The following C3orf70 variants were observed in gnomAD, a reference collection of about 807,000 sequenced individuals.
C3orf70 encodes UPF0524 protein C3orf70.
A neutral mutation model predicts 20.7 loss-of-function variants in C3orf70; 15 were observed. The ratio of observed to expected loss-of-function variants is 0.72; its 90% confidence interval spans 0.48 to 1.11. The LOEUF (loss-of-function observed/expected upper bound fraction) is 1.11, where lower values mean the gene tolerates loss of function less well. Among genes scored for constraint, C3orf70 ranks in the 50% most tolerant of loss-of-function variants. The pLI is 0.00. For missense variants in C3orf70, 332 were observed against 317.6 expected (o/e 1.05, Z -0.34); for synonymous variants, 161 against 125.7 (o/e 1.28, Z -1.88).
intron 1 of C3orf70, among the ~76,000 whole-genome samples, chr3:185,131,049 G>A (rs564185187): frequency 5.3e-5 from 8 of 152,242 alleles, no homozygotes; most frequent in South Asian, 2.1e-4. Context: ...GTTTTCCAAC[G>A]TGGTTACACC....
chr3:185,095,213 A>ATCAC (rs1329762468), intron 1 of C3orf70, among the ~76,000 whole-genome samples: 1 of 152,212 alleles, frequency 6.6e-6, no homozygotes, highest in Non-Finnish European at 1.5e-5. Context: ...CTCTGCAAAA[A>ATCAC]TCACTAGTGC....
At chr3:185,143,621 G>A (rs866553679) in intron 1 of C3orf70, among the ~76,000 whole-genome samples, 6 of 152,222 alleles carry the variant, frequency 3.9e-5, no homozygotes, top group Non-Finnish European at 8.8e-5. Context: ...TAAGAGAAAA[G>A]CAAAGGAAAA....
rs1454495289 is a variant in C3orf70 at position 185,082,936 on chromosome 3, A to G, written c.*71T>C. On this transcript the variant is annotated 3_prime_UTR_variant, in exon 2 of 2. Coordinates refer to ENST00000335012, the MANE Select transcript of C3orf70 (RefSeq NM_001025266.3). ...GGTAGAAAATATCAACAGCATTGGA[A>G]AAAAGGATCCACCAGACAAAGGTAC... 7.4e-6 allele frequency: 11 copies of G among 1,490,626 alleles called. No homozygotes were observed. Among genetic ancestry groups the G allele is most frequent in the African/African-American group, 2.8e-5 (2 of 71,710 alleles). 92.3% of individuals were successfully genotyped at this position (1,490,626 alleles called of 1,614,324 possible).
At position 185,094,882 on chromosome 3, in the gene C3orf70, A is replaced by G. The variant is rs74437513; in HGVS notation, c.197-11319T>C. 8.3e-3 allele frequency among the ~76,000 whole-genome samples: 1,262 copies of G among 152,164 alleles called. 6 individuals carry two copies. Among genetic ancestry groups the G allele is most frequent in the Non-Finnish European group, 0.011 (763 of 68,002 alleles). On this transcript the variant is annotated intron_variant, in intron 1 of 1. Coordinates refer to ENST00000335012, the MANE Select transcript of C3orf70 (RefSeq NM_001025266.3). Reference sequence around the variant, plus strand: ...ACTGGGGGTGAGATGAAGCATGAAAACCATATGCTCAGAAAAAGGACGGCT... The same window carrying G: ...ACTGGGGGTGAGATGAAGCATGAAAGCCATATGCTCAGAAAAAGGACGGCT...
chr3:185,127,127 T>C (rs1309981640), intron 1 of C3orf70, among the ~76,000 whole-genome samples: 1 of 152,178 alleles, frequency 6.6e-6, no homozygotes, highest in African/African-American at 2.4e-5. Context: ...CCCTTTTATA[T>C]GCCTGAATAT....
rs1159098491 is a variant in C3orf70 at position 185,085,069 on chromosome 3, G to A, written c.197-1506C>T. Among the ~76,000 whole-genome samples, 54 of 152,146 alleles carry A rather than the reference G, an allele frequency of 3.5e-4. 1 individual carries two copies. The highest frequency in any genetic ancestry group is 3.5e-3 in the Admixed American group (53 of 15,276). On this transcript the variant is annotated intron_variant, in intron 1 of 1. Transcript: ENST00000335012. ...CTCTCCCCACTAGATGCCAGTAGCA[G>A]CTCCTTCTCAAATGAGACAAATTCC...
At chr3:185,085,489 A>G (rs1394219630) in intron 1 of C3orf70, among the ~76,000 whole-genome samples, 3 of 152,180 alleles carry the variant, frequency 2.0e-5, no homozygotes, top group Non-Finnish European at 4.4e-5. Flanking sequence ...TACCATATGA[A>G]AAAAGTACAT....
rs1438207407 is a variant in C3orf70, at chr3:185,076,892, G to T, written c.*6115C>A. Among the ~76,000 whole-genome samples the T allele has an allele frequency of 6.6e-6, 1 of 152,176 alleles. No homozygotes were observed. Among genetic ancestry groups the T allele is most frequent in the Non-Finnish European group, 1.5e-5 (1 of 68,028 alleles). ...ATAAAAGTGTGTGCAGTCAGCATTT[G>T]TAAGAGGCTACAATGAGATGCCTTC... On this transcript the variant is annotated 3_prime_UTR_variant, in exon 2 of 2. Coordinates refer to ENST00000335012, the MANE Select transcript of C3orf70 (RefSeq NM_001025266.3).
Position 185,152,340 on chromosome 3 carries a change from C to A in C3orf70, c.196+288G>T, listed in dbSNP as rs912381994. Among the ~76,000 whole-genome samples, 69 of 152,274 alleles carry A rather than the reference C, an allele frequency of 4.5e-4. 1 individual carries two copies. The East Asian group carries it at 6.4e-3, about 14-fold the overall frequency. ...AAAAAGAAAAAGAAAAGAAAAAAAA[C>A]CAGATTCCCGCTTCCCTGGGACAGG... On this transcript the variant is annotated intron_variant, in intron 1 of 1. Coordinates refer to ENST00000335012, the MANE Select transcript of C3orf70 (RefSeq NM_001025266.3).
At chr3:185,084,251 T>C (rs185911672) in intron 1 of C3orf70, among the ~76,000 whole-genome samples, 16 of 152,296 alleles carry the variant, frequency 1.1e-4, no homozygotes, top group Admixed American at 2.0e-4. Flanking sequence ...TGTTTATCTC[T>C]AATAATGTTT....
intron 1 of C3orf70, among the ~76,000 whole-genome samples, chr3:185,133,633 T>C (rs903251796): frequency 2.6e-5 from 4 of 152,038 alleles, no homozygotes; most frequent in Non-Finnish European, 5.9e-5. Context: ...CATAGCTACT[T>C]GGGAGGCTGA....
intron 1 of C3orf70, among the ~76,000 whole-genome samples, chr3:185,134,941 A>C (rs966316135): frequency 3.9e-5 from 6 of 152,104 alleles, no homozygotes; most frequent in African/African-American, 1.4e-4. Flanking sequence ...GTGGAGGACA[A>C]GTGTGGAATC....
chr3:185,150,551 A>C (rs1003852260), intron 1 of C3orf70, among the ~76,000 whole-genome samples: 1 of 152,248 alleles, frequency 6.6e-6, no homozygotes, highest in Admixed American at 6.5e-5. Context: ...AAAAAAAAAC[A>C]AAACAGCTCA....
chr3:185,131,170 A>G (rs1411690802), intron 1 of C3orf70, among the ~76,000 whole-genome samples: 5 of 152,222 alleles, frequency 3.3e-5, no homozygotes, highest in African/African-American at 1.2e-4. Context: ...AGTGGTATTC[A>G]TTACGGCTTT....
At chr3:185,143,512 G>C (rs893236056) in intron 1 of C3orf70, among the ~76,000 whole-genome samples, 1 of 150,754 alleles carries the variant, frequency 6.6e-6, no homozygotes, top group Non-Finnish European at 1.5e-5. Context: ...AGATACAGCT[G>C]GGGGGGTGTT....
At chr3:185,115,992 G>C (rs1437549651) in intron 1 of C3orf70, among the ~76,000 whole-genome samples, 1 of 152,140 alleles carries the variant, frequency 6.6e-6, no homozygotes, top group Non-Finnish European at 1.5e-5. Context: ...TTGGACGGTG[G>C]GGGACCAAAC....
chr3:185,088,643 AC>A (rs1251141887), intron 1 of C3orf70, among the ~76,000 whole-genome samples: 2 of 152,168 alleles, frequency 1.3e-5, no homozygotes, highest in African/African-American at 4.8e-5. Context: ...AAACTTCGTT[AC>A]AGGTGATGTT....
chr3:185,110,532 A>T (rs560160824), intron 1 of C3orf70, among the ~76,000 whole-genome samples: 168 of 151,452 alleles, frequency 1.1e-3, no homozygotes, highest in Middle Eastern at 3.4e-3. Context: ...AATAAGGGGG[A>T]CGTGTTAGGA....
At position 185,078,071 on chromosome 3, in the gene C3orf70, A is replaced by T. The variant is rs1577313537; in HGVS notation, c.*4936T>A. 1 of 152,636 alleles carries T rather than the reference A, an allele frequency of 6.6e-6. No individual in the cohort carries two copies. Among genetic ancestry groups the T allele is most frequent in the East Asian group, 1.9e-4 (1 of 5,202 alleles). 9.5% of individuals were successfully genotyped at this position (152,636 alleles called of 1,614,324 possible). On this transcript the variant is annotated 3_prime_UTR_variant, in exon 2 of 2. Coordinates refer to ENST00000335012, the MANE Select transcript of C3orf70 (RefSeq NM_001025266.3). ...TTTGTTCTGGTATAAAAGAAAAAAA[A>T]AATCACGTTTATTTTACAAGGCAGT... is the stretch of plus-strand genomic sequence containing the variant.
Sources: gnomAD v4.1 joint callset for allele counts (sites outside exome capture counted in the v4.1 genomes callset) on GRCh38, gnomAD v4.1.1 for gene constraint, MANE v1.5 for transcripts, NCBI Gene and HGNC (gene_info 2026-07-23, HGNC 2026-07-21) for gene names.